Variants in MSL2 observed in about 807,000 individuals in gnomAD.
MSL2 encodes E3 ubiquitin-protein ligase MSL2.
Under a neutral mutation model 35.8 loss-of-function variants are expected in MSL2, and 2 were observed. The ratio of observed to expected loss-of-function variants is 0.06; its 90% confidence interval spans 0.02 to 0.18. The LOEUF (loss-of-function observed/expected upper bound fraction) is 0.18, where lower values mean the gene tolerates loss of function less well. MSL2 is among the 10% of genes least tolerant of loss of function. The pLI, the probability that MSL2 is intolerant of heterozygous loss-of-function variation, is 1.00. For synonymous variants in MSL2, 296 were observed against 255.7 expected, an observed-to-expected ratio of 1.16 and a Z score of -1.50; for missense variants, 523 against 706.7, an observed-to-expected ratio of 0.74 and a Z score of 2.95.
chr3:136,195,282 T>A lies in MSL2; in HGVS notation c.-169A>T. The stretch of plus-strand genomic sequence containing the variant: ...GTGCAAGTTTGTGGAGCTGAAACAA[T>A]CCTCCCACACATGGGGCCTTGGCGC... On this transcript the variant is annotated 5_prime_UTR_variant, in exon 1 of 2. Coordinates refer to ENST00000309993, the MANE Select transcript of MSL2 (RefSeq NM_018133.4). The A allele has an allele frequency of 7.0e-7, 1 of 1,432,054 alleles. No individual in the cohort carries two copies. Among genetic ancestry groups the A allele is most frequent in the Non-Finnish European group, 9.1e-7 (1 of 1,098,772 alleles). The allele number at this position is 1,432,054 out of a possible 1,614,324, so 88.7% of individuals were successfully genotyped here.
At chr3:136,191,244 G>A (rs1940681535) in intron 1 of MSL2, among the ~76,000 whole-genome samples, 3 of 151,996 alleles carry the variant, frequency 2.0e-5, no homozygotes, top group South Asian at 2.1e-4. Flanking sequence ...CAAGGCGGGC[G>A]GATCACAAGG....
chr3:136,156,811 C>T (rs1396533388), intron 1 of MSL2, among the ~76,000 whole-genome samples: 2 of 152,038 alleles, frequency 1.3e-5, no homozygotes, highest in African/African-American at 2.4e-5. Flanking sequence ...GCCAAGATGG[C>T]GCCACTGCAC....
chr3:136,167,037 T>C (rs1939872452), intron 1 of MSL2, among the ~76,000 whole-genome samples: 1 of 152,148 alleles, frequency 6.6e-6, no homozygotes, highest in Non-Finnish European at 1.5e-5. Flanking sequence ...GAAATTAAGT[T>C]TATGGAAATG....
At chr3:136,193,815 T>C (rs761753340) in intron 1 of MSL2, among the ~76,000 whole-genome samples, 9 of 152,166 alleles carry the variant, frequency 5.9e-5, no homozygotes. Flanking sequence ...GAGTAGCACT[T>C]AATGACTTAC....
intron 1 of MSL2, among the ~76,000 whole-genome samples, chr3:136,180,977 TTCTGAC>T (rs1306893471): frequency 6.7e-6 from 1 of 149,734 alleles, no homozygotes; most frequent in African/African-American, 2.5e-5. Flanking sequence ...TGTAGTGAAA[TTCTGAC>T]TCTATTAAAT....
chr3:136,157,000 AAC>A (rs1188403457), intron 1 of MSL2, among the ~76,000 whole-genome samples: 1 of 152,244 alleles, frequency 6.6e-6, no homozygotes, highest in Non-Finnish European at 1.5e-5. Context: ...CCATTTTTAA[AAC>A]ACACTGTATA....
intron 1 of MSL2, among the ~76,000 whole-genome samples, chr3:136,163,048 T>A (rs11720497): frequency 0.11 from 16,345 of 151,522 alleles, 1,166 homozygotes; most frequent in Non-Finnish European, 0.16. Flanking sequence ...CCTGTAGACC[T>A]GGAGTTCAAG....
intron 1 of MSL2, among the ~76,000 whole-genome samples, chr3:136,170,589 ACTG>A (rs1939998980): frequency 7.7e-6 from 1 of 129,468 alleles, no homozygotes; most frequent in Admixed American, 1.0e-4. Context: ...ATCTCGGCTC[ACTG>A]CTGCCTCCTG....
rs1430475231 is a variant in MSL2 at position 136,150,925 on chromosome 3, A to C, written c.*222T>G. The C allele has an allele frequency of 3.9e-6, 2 of 518,392 alleles. No homozygotes were observed. Among genetic ancestry groups the C allele is most frequent in the Admixed American group, 6.4e-5 (2 of 31,304 alleles). 32.1% of individuals were successfully genotyped at this position (518,392 alleles called of 1,614,324 possible). ...TCAGTTGCATCAGCTTTGTTCTCAAACTATGAGGTTCTGTAAGAACTAAGG... is the reference window on the plus strand; with the variant it reads ...TCAGTTGCATCAGCTTTGTTCTCAACCTATGAGGTTCTGTAAGAACTAAGG... On this transcript the variant is annotated 3_prime_UTR_variant, in exon 2 of 2. Coordinates refer to ENST00000309993, the MANE Select transcript of MSL2 (RefSeq NM_018133.4).
chr3:136,166,901 A>G (rs909981302), intron 1 of MSL2, among the ~76,000 whole-genome samples: 1 of 152,190 alleles, frequency 6.6e-6, no homozygotes, highest in African/African-American at 2.4e-5. Flanking sequence ...GCTGTACTAC[A>G]AATTTTATGC....
intron 1 of MSL2, among the ~76,000 whole-genome samples, chr3:136,164,905 C>G (rs1409813666): frequency 6.6e-6 from 1 of 151,584 alleles, no homozygotes; most frequent in South Asian, 2.1e-4. Flanking sequence ...GTCGAAGTCT[C>G]GCTCTGTTGC....
intron 1 of MSL2, among the ~76,000 whole-genome samples, chr3:136,192,027 A>G (rs1940703926): frequency 6.6e-6 from 1 of 152,212 alleles, no homozygotes; most frequent in Admixed American, 6.5e-5. Flanking sequence ...AAGAAATACA[A>G]AACTGTAAAA....
At chr3:136,167,924 G>A (rs1199971444) in intron 1 of MSL2, among the ~76,000 whole-genome samples, 1 of 152,074 alleles carries the variant, frequency 6.6e-6, no homozygotes, top group Non-Finnish European at 1.5e-5. Context: ...CAAAAGACAG[G>A]AAACAGTTTT....
In MSL2 at chr3:136,170,148, C is replaced by T. The variant is rs189695658; in HGVS notation, c.143-17410G>A. Among the ~76,000 whole-genome samples, 391 of 151,406 alleles carry T rather than the reference C, an allele frequency of 2.6e-3. 3 individuals are homozygous for T. Among genetic ancestry groups the T allele is most frequent in the African/African-American group, 7.0e-3 (290 of 41,282 alleles). ...CCTGAGGTCAGGGGTTCACGACCAG[C>T]CTGGCCAACATGGTGAAACCCCGTC... is the stretch of plus-strand genomic sequence containing the variant. On this transcript the variant is annotated intron_variant, in intron 1 of 1. Transcript: ENST00000309993.
At chr3:136,159,516 A>G (rs1576358033) in intron 1 of MSL2, among the ~76,000 whole-genome samples, 1 of 147,146 alleles carries the variant, frequency 6.8e-6, no homozygotes, top group African/African-American at 2.5e-5. Context: ...GGCGCCCGCC[A>G]CCACGCCCAG....
At chr3:136,187,015 A>G (rs992502060) in intron 1 of MSL2, among the ~76,000 whole-genome samples, 1 of 152,222 alleles carries the variant, frequency 6.6e-6, no homozygotes, top group African/African-American at 2.4e-5. Context: ...ATACATGTTC[A>G]GCATAGTTGC....
At chr3:136,191,094 T>C (rs1940675390) in intron 1 of MSL2, among the ~76,000 whole-genome samples, 1 of 152,206 alleles carries the variant, frequency 6.6e-6, no homozygotes. Flanking sequence ...CACCCACCAT[T>C]GTCTACTGTG....
At chr3:136,192,528 T>C (rs930763905) in intron 1 of MSL2, among the ~76,000 whole-genome samples, 2 of 151,830 alleles carry the variant, frequency 1.3e-5, no homozygotes, top group African/African-American at 2.4e-5. Context: ...GGAGTTGAGT[T>C]AGGCCTTTAG....
At chr3:136,157,455 T>C (rs975008090) in intron 1 of MSL2, among the ~76,000 whole-genome samples, 15 of 152,084 alleles carry the variant, frequency 9.9e-5, no homozygotes, top group Non-Finnish European at 1.9e-4. Flanking sequence ...TGAGCCAAGA[T>C]AGTGCCACTC....
Sources: gnomAD v4.1 joint callset for allele counts (sites outside exome capture counted in the v4.1 genomes callset) on GRCh38, gnomAD v4.1.1 for gene constraint, MANE v1.5 for transcripts, NCBI Gene and HGNC (gene_info 2026-07-23, HGNC 2026-07-21) for gene names.